TRAK1: variants seen among roughly 807,000 people sequenced by gnomAD.
TRAK1 encodes trafficking kinesin-binding protein 1.
A neutral mutation model predicts 92.1 loss-of-function variants in TRAK1; 33 were observed. That is an observed-to-expected ratio of 0.36 (90% CI 0.27 to 0.48). The LOEUF is 0.48. Ranked by LOEUF, TRAK1 falls within the 20% of genes least tolerant of loss-of-function variation. The pLI is 0.99. For missense variants in TRAK1, 1,123 were observed against 1,257.9 expected (o/e 0.89, Z 1.62); for synonymous variants, 521 against 517.3 (o/e 1.01, Z -0.10).
At chr3:42,154,708 G>T (rs960382098) in intron 2 of TRAK1, among the ~76,000 whole-genome samples, 2 of 152,214 alleles carry the variant, frequency 1.3e-5, no homozygotes, top group Non-Finnish European at 2.9e-5. Context: ...TGGGATTACA[G>T]GTGTGAGCCT....
At chr3:42,118,208 C>T (rs1165912797) in intron 1 of TRAK1, among the ~76,000 whole-genome samples, 1 of 152,098 alleles carries the variant, frequency 6.6e-6, no homozygotes, top group Non-Finnish European at 1.5e-5. Context: ...CTTCAGCCTC[C>T]CAAGTAGCTG....
chr3:42,201,952 C>G (rs1048864338), intron 12 of TRAK1, among the ~76,000 whole-genome samples: 2 of 150,882 alleles, frequency 1.3e-5, no homozygotes, highest in Admixed American at 1.3e-4. Context: ...TTTGTGCATC[C>G]TTTTCCTCTG....
rs567697302 is a variant in TRAK1, at chr3:42,224,175, C to T, written c.*438C>T. ...GGGTCATAACACATCTGGGTGTCAT[C>T]GGACACCTCACCTCGCCCACCCTGT... is the stretch of plus-strand genomic sequence containing the variant. On this transcript the variant is annotated 3_prime_UTR_variant, in exon 16 of 16. Transcript: ENST00000327628. The T allele has an allele frequency of 2.7e-5, 12 of 440,574 alleles. No individual in the cohort carries two copies. Among genetic ancestry groups the T allele is most frequent in the South Asian group, 1.6e-4 (10 of 61,016 alleles). 27.3% of individuals were successfully genotyped at this position (440,574 alleles called of 1,614,324 possible). A position where few individuals can be genotyped will look rare whatever the true frequency, so the allele number is the denominator to read the frequency against.
At chr3:42,054,960 AC>A (rs1332390534) in intron 1 of TRAK1, among the ~76,000 whole-genome samples, 1 of 112,602 alleles carries the variant, frequency 8.9e-6, no homozygotes, top group Admixed American at 1.4e-4. Flanking sequence ...TCACTCTGTC[AC>A]CCAGGCTGGA....
intron 1 of TRAK1, among the ~76,000 whole-genome samples, chr3:42,079,190 C>G (rs1576259720): frequency 6.6e-6 from 1 of 152,308 alleles, no homozygotes; most frequent in Non-Finnish European, 1.5e-5. Context: ...TAATTTGTTA[C>G]AGTAGTAATA....
intron 1 of TRAK1, among the ~76,000 whole-genome samples, chr3:42,046,913 C>T (rs1702772553): frequency 6.6e-6 from 1 of 151,892 alleles, no homozygotes; most frequent in East Asian, 1.9e-4. Flanking sequence ...TCCTGAGTGC[C>T]CTGAAATTAT....
chr3:42,211,050 G>T (rs961160039), intron 14 of TRAK1: 1 of 985,334 alleles, frequency 1.0e-6, no homozygotes, highest in Admixed American at 6.1e-5. Context: ...TGGAGTCAGG[G>T]GGGAGACTGA....
At chr3:42,123,417 T>TCCCTGG (rs1559797987) in intron 1 of TRAK1, among the ~76,000 whole-genome samples, 1 of 151,498 alleles carries the variant, frequency 6.6e-6, no homozygotes, top group African/African-American at 2.4e-5. Flanking sequence ...CTGCAGTGAA[T>TCCCTGG]CCCTGGCCCT....
chr3:42,204,029 T>G, intron 13 of TRAK1: 1 of 984,992 alleles, frequency 1.0e-6, no homozygotes, highest in Non-Finnish European at 1.2e-6. Context: ...TAGTTTGTTT[T>G]TATTATTATT....
Position 42,194,850 on chromosome 3 carries a change from A to G in TRAK1, c.1022A>G (p.His341Arg), listed in dbSNP as rs532911279. Residue 341 changes from histidine to arginine, a missense_variant, in exon 10 of 16, where the codon CAT becomes CGT. His to Arg is a conservative substitution (Grantham distance 29, BLOSUM62 0). This residue lies in a region of TRAK1 where 686 missense variants were observed against 747.6 expected (regional missense o/e 0.92). Coordinates refer to ENST00000327628, the MANE Select transcript of TRAK1 (RefSeq NM_001042646.3). ...DKYAECMEML[H>R]EAQEELKNLR... ...TACGCAGAGTGCATGGAGATGCTGC[A>G]TGAGGCGCAGGAGGAGCTGAAGAAC... 7 of 1,613,974 alleles carry G rather than the reference A, an allele frequency of 4.3e-6. No individual in the cohort carries two copies. The Admixed American group carries it at 1.2e-4, about 27-fold the overall frequency.
intron 12 of TRAK1, among the ~76,000 whole-genome samples, chr3:42,201,521 T>C (rs941663890): frequency 3.9e-5 from 6 of 152,062 alleles, no homozygotes; most frequent in Non-Finnish European, 8.8e-5. Flanking sequence ...CTTGAGCCTA[T>C]GCCTATCCTT....
chr3:42,211,087 C>A (rs993710240), intron 14 of TRAK1: 7 of 985,426 alleles, frequency 7.1e-6, no homozygotes, highest in Non-Finnish European at 8.4e-6. Context: ...CCTGTGTTGT[C>A]ATCCTCATGA....
At chr3:42,075,963 C>T (rs1188582129) in intron 1 of TRAK1, among the ~76,000 whole-genome samples, 2 of 152,080 alleles carry the variant, frequency 1.3e-5, no homozygotes, top group African/African-American at 4.8e-5. Context: ...TTGCCTCAGC[C>T]TCCCGAGTAT....
chr3:42,210,027 A>T, intron 14 of TRAK1, 42 bp downstream of exon 14: 1 of 1,614,086 alleles, frequency 6.2e-7, no homozygotes, highest in Non-Finnish European at 8.5e-7. Context: ...AGGCAGCAGA[A>T]GTTACCCGAG....
At position 42,223,750 on chromosome 3, in the gene TRAK1, G is replaced by A. The variant is rs369012054; in HGVS notation, c.*13G>A. 4 of 1,590,688 alleles carry A rather than the reference G, an allele frequency of 2.5e-6. No individual in the cohort carries two copies. The African/African-American group carries it at 5.4e-5, about 21-fold the overall frequency. ...TAGCTTACGGTGAGGACTGGAGGGG[G>A]GCCGGTTGCCCTAGAGGAGACCCAC... On this transcript the variant is annotated 3_prime_UTR_variant, in exon 16 of 16. Transcript: ENST00000327628. This position sits in a 1 kb window ranked among gnomAD's most constrained non-coding sequence, Gnocchi z 6.1.
intron 1 of TRAK1, among the ~76,000 whole-genome samples, chr3:42,079,986 T>C (rs6792081): frequency 0.021 from 3,126 of 152,170 alleles, 120 homozygotes; most frequent in African/African-American, 0.072. Flanking sequence ...TGCCCTCTTT[T>C]GTACTTCCTG....
At chr3:42,058,951 T>C (rs770430611) in intron 1 of TRAK1, among the ~76,000 whole-genome samples, 2 of 152,232 alleles carry the variant, frequency 1.3e-5, no homozygotes, top group Non-Finnish European at 2.9e-5. Flanking sequence ...TGCTCTGTGC[T>C]GCAATTTTTT....
chr3:42,100,624 T>TA (rs1706613572), intron 1 of TRAK1, among the ~76,000 whole-genome samples: 2 of 152,242 alleles, frequency 1.3e-5, no homozygotes, highest in South Asian at 4.1e-4. Context: ...CATTCCCATG[T>TA]AGTGAACTTT....
intron 1 of TRAK1, among the ~76,000 whole-genome samples, chr3:42,125,195 A>AT (rs1710397078): frequency 7.7e-6 from 1 of 129,328 alleles, no homozygotes; most frequent in African/African-American, 2.8e-5. Flanking sequence ...AGTGGACACT[A>AT]AACAGCAGGA....
Sources: gnomAD v4.1 joint callset for allele counts (sites outside exome capture counted in the v4.1 genomes callset) on GRCh38, gnomAD v4.1.1 for gene constraint, gnomAD v4.1.1 regional missense constraint, Gnocchi (gnomAD v3.1) non-coding constraint, MANE v1.5 for transcripts, NCBI Gene and HGNC (gene_info 2026-07-23, HGNC 2026-07-21) for gene names.